Variants in MAD1L1 observed in about 807,000 individuals in gnomAD.
The protein encoded by MAD1L1 is mitotic spindle assembly checkpoint protein MAD1.
A neutral mutation model predicts 96.9 loss-of-function variants in MAD1L1; 95 were observed. The ratio of observed to expected loss-of-function variants is 0.98; its 90% CI spans 0.83 to 1.16. The LOEUF (loss-of-function observed/expected upper bound fraction) is 1.16. Ranked by LOEUF, MAD1L1 falls within the 50% of genes most tolerant of loss-of-function variation. MAD1L1 has a pLI of 0.00. For missense variants in MAD1L1, 1,007 were observed against 954.4 expected (o/e 1.06, Z -0.73); for synonymous variants, 473 against 396.6 (o/e 1.19, Z -2.29).
intron 11 of MAD1L1, among the ~76,000 whole-genome samples, chr7:2,085,462 C>T (rs568414176): frequency 7.9e-5 from 12 of 152,324 alleles, no homozygotes; most frequent in Admixed American, 1.3e-4. Context: ...GGGCAGTGGC[C>T]ACTCTGATAT....
At chr7:2,181,894 T>C (rs190661255) in intron 10 of MAD1L1, among the ~76,000 whole-genome samples, 10 of 151,540 alleles carry the variant, frequency 6.6e-5, no homozygotes, top group Admixed American at 3.3e-4. Flanking sequence ...GTGGATGGAG[T>C]TGGAGACCAT....
chr7:2,072,215 T>C (rs575994544), intron 11 of MAD1L1, among the ~76,000 whole-genome samples: 2 of 152,320 alleles, frequency 1.3e-5, no homozygotes, highest in Non-Finnish European at 2.9e-5. Flanking sequence ...TGAGTGAGAC[T>C]GAGCTGAACG....
intron 15 of MAD1L1, among the ~76,000 whole-genome samples, chr7:1,975,319 T>C (rs1183079551): frequency 6.6e-6 from 1 of 152,182 alleles, no homozygotes; most frequent in Non-Finnish European, 1.5e-5. Flanking sequence ...GTGACCTCTT[T>C]CCAGCCACAG....
Position 2,071,454 on chromosome 7 carries a change from C to T in MAD1L1, c.1074-2116G>A, listed in dbSNP as rs571798065. ...TGATCTTGTGAAATATGTAACTGAT[C>T]GTCAACCCATCTACCAGAACACAGC... On this transcript the variant is annotated intron_variant, in intron 11 of 18. Transcript: ENST00000265854. Among the ~76,000 whole-genome samples the T allele has an allele frequency of 1.2e-3, 188 of 152,338 alleles. 1 individual carries two copies. Among genetic ancestry groups the T allele is most frequent in the African/African-American group, 3.6e-3 (148 of 41,572 alleles).
chr7:2,082,282 G>T (rs1221015559), intron 11 of MAD1L1, among the ~76,000 whole-genome samples: 1 of 152,024 alleles, frequency 6.6e-6, no homozygotes. Flanking sequence ...GGGAGGGAAG[G>T]GAAGGAGAGC....
chr7:1,884,107 G>A (rs545282025), intron 18 of MAD1L1, among the ~76,000 whole-genome samples: 21 of 152,226 alleles, frequency 1.4e-4, no homozygotes, highest in African/African-American at 4.6e-4. Flanking sequence ...GCAGCACTGG[G>A]ACCGCAAGCC....
chr7:2,128,746 G>C (rs1011170072), intron 11 of MAD1L1, among the ~76,000 whole-genome samples: 1 of 152,198 alleles, frequency 6.6e-6, no homozygotes, highest in South Asian at 2.1e-4. Context: ...TCACCCTGGG[G>C]ACAGGACAGG....
intron 12 of MAD1L1, among the ~76,000 whole-genome samples, chr7:2,019,195 C>T (rs1366798794): frequency 2.0e-5 from 3 of 152,124 alleles, no homozygotes; most frequent in Non-Finnish European, 2.9e-5. Context: ...CAGTCACCAG[C>T]CTGGACAGGT....
chr7:1,935,891 G>A (rs1001283648), intron 17 of MAD1L1, among the ~76,000 whole-genome samples: 4 of 152,222 alleles, frequency 2.6e-5, no homozygotes, highest in African/African-American at 7.2e-5. Context: ...GCAAGGGGAC[G>A]CCGGGCCACG....
At chr7:2,036,481 A>G (rs1162303149) in intron 12 of MAD1L1, among the ~76,000 whole-genome samples, 1 of 152,224 alleles carries the variant, frequency 6.6e-6, no homozygotes, top group Admixed American at 6.5e-5. Flanking sequence ...TGAAGTGTCT[A>G]GTCTGAGGAG....
At chr7:1,850,858 G>A (rs1395523461) in intron 18 of MAD1L1, among the ~76,000 whole-genome samples, 1 of 152,226 alleles carries the variant, frequency 6.6e-6, no homozygotes, top group African/African-American at 2.4e-5. Flanking sequence ...CCCCTCCTGG[G>A]ATGGGGAGTG....
intron 11 of MAD1L1, among the ~76,000 whole-genome samples, chr7:2,089,787 G>C (rs535162713): frequency 6.6e-6 from 1 of 152,038 alleles, no homozygotes; most frequent in Non-Finnish European, 1.5e-5. Context: ...ACCTTCTAAA[G>C]GAACGGGCTT....
chr7:1,966,794 C>T (rs58861534), intron 15 of MAD1L1, among the ~76,000 whole-genome samples: 98 of 152,378 alleles, frequency 6.4e-4, no homozygotes, highest in African/African-American at 9.9e-4. Flanking sequence ...GGAGGAACGC[C>T]GCAATCGTGG....
intron 18 of MAD1L1, among the ~76,000 whole-genome samples, chr7:1,893,808 C>T (rs1343175497): frequency 6.6e-6 from 1 of 152,206 alleles, no homozygotes; most frequent in Non-Finnish European, 1.5e-5. Flanking sequence ...GGGTCAGGAG[C>T]TGCCCGGGAC....
Position 1,972,650 on chromosome 7 carries a change from CTAT to C in MAD1L1, c.1505+7800_1505+7802del, listed in dbSNP as rs1390560258. ...GAACTTATTGTTTTAATAATTTTCT[CTAT>C]TTTTTTTTTAATTTCATTGCTTTTT... On this transcript the variant is annotated intron_variant, in intron 15 of 18. Coordinates refer to ENST00000265854, the MANE Select transcript of MAD1L1 (RefSeq NM_001013836.2). Among the ~76,000 whole-genome samples, 4 of 150,558 alleles carry C rather than the reference CTAT, an allele frequency of 2.7e-5. No individual in the cohort carries two copies. In the South Asian group the frequency reaches 8.4e-4, roughly 32 times the overall value.
At chr7:2,082,447 C>T (rs975311835) in intron 11 of MAD1L1, among the ~76,000 whole-genome samples, 7 of 152,170 alleles carry the variant, frequency 4.6e-5, no homozygotes, top group Non-Finnish European at 7.3e-5. Context: ...CCTGGGAGCT[C>T]AGCGGAGCTG....
At chr7:2,139,794 C>T (rs1313600604) in intron 11 of MAD1L1, among the ~76,000 whole-genome samples, 1 of 152,208 alleles carries the variant, frequency 6.6e-6, no homozygotes, top group African/African-American at 2.4e-5. Context: ...GACCACACTT[C>T]CCCCGACCCT....
chr7:2,181,521 T>A (rs1015166327), intron 10 of MAD1L1, among the ~76,000 whole-genome samples: 2 of 152,188 alleles, frequency 1.3e-5, no homozygotes, highest in Non-Finnish European at 2.9e-5. Context: ...GGCCATAATT[T>A]AAAAGTCAAA....
intron 17 of MAD1L1, among the ~76,000 whole-genome samples, chr7:1,915,375 G>A (rs1267440827): frequency 1.3e-5 from 2 of 152,208 alleles, no homozygotes; most frequent in Admixed American, 6.5e-5. Flanking sequence ...GGCTGGGAAG[G>A]AGACCTGGGG....
Sources: gnomAD v4.1 joint callset for allele counts (sites outside exome capture counted in the v4.1 genomes callset) on GRCh38, gnomAD v4.1.1 for gene constraint, MANE v1.5 for transcripts, NCBI Gene and HGNC (gene_info 2026-07-23, HGNC 2026-07-21) for gene names.